Variants in RBMS3 observed in about 807,000 individuals in gnomAD.
RBMS3 encodes the protein RNA-binding motif, single-stranded-interacting protein 3.
Under a neutral mutation model 66.8 loss-of-function variants are expected in RBMS3, and 27 were observed. That is an observed-to-expected ratio of 0.40 (90% CI 0.30 to 0.56). The LOEUF (loss-of-function observed/expected upper bound fraction) is 0.56. RBMS3 is among the 20% of genes least tolerant of loss of function. The probability of loss-of-function intolerance (pLI) is 0.40; values close to 1 mark genes in which losing one functional copy is unlikely to be tolerated. For synonymous variants in RBMS3, 188 were observed against 183.0 expected (o/e 1.03, Z -0.22); for missense variants, 513 against 549.5 (o/e 0.93, Z 0.66).
chr3:29,299,238 G>A (rs1419257983), intron 1 of RBMS3, among the ~76,000 whole-genome samples: 1 of 151,830 alleles, frequency 6.6e-6, no homozygotes, highest in Non-Finnish European at 1.5e-5. Context: ...GCACGAGATT[G>A]GAATTGAGAA....
At chr3:29,465,238 C>T (rs1194854445) in intron 2 of RBMS3, among the ~76,000 whole-genome samples, 1 of 151,962 alleles carries the variant, frequency 6.6e-6, no homozygotes, top group Non-Finnish European at 1.5e-5. Flanking sequence ...CAGAAGAAGT[C>T]ATGTGAATAA....
At chr3:29,879,967 T>C (rs2059698959) in intron 7 of RBMS3, among the ~76,000 whole-genome samples, 1 of 152,156 alleles carries the variant, frequency 6.6e-6, no homozygotes, top group Non-Finnish European at 1.5e-5. Flanking sequence ...TTATTACCTC[T>C]TGATATAATG....
intron 4 of RBMS3, among the ~76,000 whole-genome samples, chr3:29,605,441 G>A (rs1296772280): frequency 5.3e-5 from 8 of 151,742 alleles, no homozygotes; most frequent in African/African-American, 1.7e-4. Flanking sequence ...AAATTTATAC[G>A]CTTTCTATGT....
At chr3:29,367,684 A>AT (rs1282845129) in intron 1 of RBMS3, among the ~76,000 whole-genome samples, 1 of 152,074 alleles carries the variant, frequency 6.6e-6, no homozygotes, top group East Asian at 1.9e-4. Flanking sequence ...TGTAGTTTCT[A>AT]TTTTTTCCTA....
At chr3:29,517,266 C>CAT (rs1190991720) in intron 3 of RBMS3, among the ~76,000 whole-genome samples, 2 of 121,080 alleles carry the variant, frequency 1.7e-5, no homozygotes, top group Admixed American at 9.2e-5. Context: ...GAGGTGATTT[C>CAT]ATATATGTGT....
chr3:29,956,428 A>G (rs1029433105), intron 12 of RBMS3, among the ~76,000 whole-genome samples: 4 of 152,130 alleles, frequency 2.6e-5, no homozygotes, highest in African/African-American at 9.6e-5. Context: ...CCTTTAGATT[A>G]TAAGTTCCTG....
At chr3:29,960,917 G>A (rs1397342081) in intron 12 of RBMS3, among the ~76,000 whole-genome samples, 1 of 152,112 alleles carries the variant, frequency 6.6e-6, no homozygotes, top group Admixed American at 6.5e-5. Flanking sequence ...TGTGATGAGA[G>A]GGGCTGCTAT....
At chr3:29,457,012 G>A (rs1385745944) in intron 2 of RBMS3, among the ~76,000 whole-genome samples, 2 of 152,082 alleles carry the variant, frequency 1.3e-5, no homozygotes, top group East Asian at 3.9e-4. Flanking sequence ...TGAGCCACAG[G>A]AAAAAAGCAC....
chr3:29,619,747 G>A (rs1007876958), intron 4 of RBMS3, among the ~76,000 whole-genome samples: 3 of 152,074 alleles, frequency 2.0e-5, no homozygotes, highest in Non-Finnish European at 4.4e-5. Context: ...TTTGCTGCTG[G>A]TCTATATTAT....
chr3:29,912,489 A>G (rs375138494), intron 10 of RBMS3, among the ~76,000 whole-genome samples: 10 of 152,148 alleles, frequency 6.6e-5, no homozygotes, highest in South Asian at 6.2e-4. Context: ...ATTTAGGAAA[A>G]TTTCTCTTAT....
intron 6 of RBMS3, among the ~76,000 whole-genome samples, chr3:29,768,991 C>A (rs1576749525): frequency 2.0e-5 from 3 of 151,970 alleles, no homozygotes; most frequent in Admixed American, 1.3e-4. Context: ...TGATTTAAAA[C>A]CTTTGGCTAT....
At chr3:29,854,012 T>C (rs1438907021) in intron 6 of RBMS3, among the ~76,000 whole-genome samples, 1 of 152,154 alleles carries the variant, frequency 6.6e-6, no homozygotes, top group East Asian at 1.9e-4. Context: ...GAGACCATAC[T>C]GTTTTGTTTG....
chr3:29,855,247 C>A (rs76367986), intron 6 of RBMS3, among the ~76,000 whole-genome samples: 2,274 of 152,212 alleles, frequency 0.015, 61 homozygotes, highest in African/African-American at 0.052. Context: ...AGTGGTGAAA[C>A]TGAGTTGTGA....
chr3:29,607,185 A>C (rs573413163), intron 4 of RBMS3, among the ~76,000 whole-genome samples: 1 of 151,958 alleles, frequency 6.6e-6, no homozygotes, highest in Non-Finnish European at 1.5e-5. Flanking sequence ...GATTATTGAG[A>C]TTTCAATAAT....
At chr3:29,692,495 A>C (rs916909492) in intron 4 of RBMS3, among the ~76,000 whole-genome samples, 14 of 152,302 alleles carry the variant, frequency 9.2e-5, no homozygotes, top group South Asian at 8.3e-4. Flanking sequence ...TGCTCACATT[A>C]AAAACGGAAC....
At chr3:29,295,758 T>C (rs1332279543) in intron 1 of RBMS3, among the ~76,000 whole-genome samples, 2 of 151,768 alleles carry the variant, frequency 1.3e-5, no homozygotes, top group African/African-American at 2.4e-5. Flanking sequence ...GTGTTGCCCA[T>C]AGGTGGACAT....
chr3:29,466,536 C>T (rs2042549405), intron 2 of RBMS3, among the ~76,000 whole-genome samples: 2 of 152,042 alleles, frequency 1.3e-5, no homozygotes, highest in African/African-American at 4.8e-5. Context: ...AATGAGACAT[C>T]TGAAAACATG....
intron 1 of RBMS3, among the ~76,000 whole-genome samples, chr3:29,331,974 G>A (rs7373092): frequency 6.6e-6 from 1 of 151,588 alleles, no homozygotes; most frequent in Non-Finnish European, 1.5e-5. Flanking sequence ...GAACTCTTTG[G>A]GGGAGTATCT....
intron 5 of RBMS3, among the ~76,000 whole-genome samples, chr3:29,760,935 CT>C (rs199609500): frequency 4.6e-5 from 7 of 151,158 alleles, no homozygotes; most frequent in South Asian, 2.1e-4. Context: ...ATTCTGAAGA[CT>C]TTTTTTTTCA....
Sources: allele counts gnomAD v4.1 joint callset (sites outside exome capture counted in the v4.1 genomes callset), GRCh38; gene constraint gnomAD v4.1.1; transcripts MANE v1.5; gene names NCBI Gene and HGNC (gene_info 2026-07-23, HGNC 2026-07-21).